DYDC1: variants seen among roughly 807,000 people sequenced by gnomAD.
The protein encoded by DYDC1 is DPY30 domain containing 1, also known as DPY30 domain-containing protein 1.
A neutral mutation model predicts 27.9 loss-of-function variants in DYDC1; 21 were observed. The observed-to-expected ratio is 0.75, with a 90% CI of 0.53 to 1.08. DYDC1 has a LOEUF of 1.08. Among genes scored for constraint, DYDC1 ranks in the 50% least tolerant of loss-of-function variants. DYDC1 has a pLI of 0.00. For missense variants in DYDC1, 202 were observed against 205.9 expected, an observed-to-expected ratio of 0.98 and a Z score of 0.12; for synonymous variants, 67 against 65.8, an observed-to-expected ratio of 1.02 and a Z score of -0.09.
At chr10:80,345,992 CCAT>C (rs1453249255) in intron 3 of DYDC1, among the ~76,000 whole-genome samples, 1 of 152,100 alleles carries the variant, frequency 6.6e-6, no homozygotes, top group East Asian at 1.9e-4. Context: ...CAGGTGCATG[CCAT>C]CATCATCATG....
chr10:80,354,122 A>T (rs1406261134), intron 1 of DYDC1, among the ~76,000 whole-genome samples: 1 of 118,850 alleles, frequency 8.4e-6, no homozygotes, highest in African/African-American at 2.7e-5. Context: ...TCTCATATAT[A>T]AAAAAAAATA....
intron 6 of DYDC1, among the ~76,000 whole-genome samples, chr10:80,336,779 C>T (rs1842147574): frequency 6.6e-6 from 1 of 152,208 alleles, no homozygotes; most frequent in Non-Finnish European, 1.5e-5. Context: ...CATCCTGACC[C>T]TGCCCCGCAC....
intron 3 of DYDC1, chr10:80,344,774 C>T: frequency 3.2e-6 from 1 of 315,806 alleles, no homozygotes; most frequent in South Asian, 2.9e-5. Context: ...GTGCCTTTCG[C>T]CTCCCACCAT....
chr10:80,349,653 G>C (rs1488673723), intron 3 of DYDC1, among the ~76,000 whole-genome samples: 1 of 152,190 alleles, frequency 6.6e-6, no homozygotes, highest in Non-Finnish European at 1.5e-5. Context: ...GACATTGGTA[G>C]AGGAAGTTAA....
intron 6 of DYDC1, 165 bp downstream of exon 6, chr10:80,338,302 G>A: frequency 7.4e-7 from 1 of 1,357,276 alleles, no homozygotes; most frequent in East Asian, 2.9e-5. Context: ...ATGCCAATTA[G>A]GAATATAATC....
At chr10:80,337,208 G>A (rs1325682999) in intron 6 of DYDC1, 12 of 985,328 alleles carry the variant, frequency 1.2e-5, no homozygotes, top group Non-Finnish European at 1.4e-5. Context: ...TCCAGCCCAG[G>A]TCAGGTCTCT....
In DYDC1 at chr10:80,352,485, C is replaced by T. The variant is rs1589520720; in HGVS notation, c.117G>A (p.Lys39=). Residue 39 remains lysine (K), a synonymous_variant, in exon 2 of 7, where the codon AAG becomes AAA. Transcript: ENST00000372202. The stretch of plus-strand genomic sequence containing the variant: ...GTTCCATGGTCACATTTTCCTTATA[C>T]TTGTAAATCCACAATGCTAAATATT... ...PIEYLALWIY[K]YKENVTMEQL... is the part of the protein sequence containing the mutation. The T allele has an allele frequency of 1.2e-6, 2 of 1,610,800 alleles. No individual in the cohort carries two copies. The highest frequency in any genetic ancestry group is 8.5e-7 in the Non-Finnish European group (1 of 1,178,748).
rs1572819 is a variant in DYDC1, at chr10:80,352,732, A to T, written c.-9-122T>A. 3 of 1,226,378 alleles carry T rather than the reference A, an allele frequency of 2.4e-6. No individual in the cohort carries two copies. The African/African-American group carries it at 4.7e-5, about 19-fold the overall frequency. The allele number at this position is 1,226,378 out of a possible 1,614,324, so 76.0% of individuals were successfully genotyped here. The stretch of plus-strand genomic sequence containing the variant: ...CTGCCCTCAGTCATGGACACCTCCC[A>T]TTGGGGGTGTCACAAGCAAGCTGGC... On this transcript the variant is annotated intron_variant, in intron 1 of 6. Transcript: ENST00000372202.
At chr10:80,338,370 C>G (rs775772741) in intron 6 of DYDC1, 97 bp downstream of exon 6, 2 of 1,502,386 alleles carry the variant, frequency 1.3e-6, no homozygotes, top group Admixed American at 2.4e-5. Context: ...GCCAACCAAT[C>G]CTGGCCTAGC....
intron 1 of DYDC1, among the ~76,000 whole-genome samples, chr10:80,355,290 TA>T (rs766354640): frequency 1.3e-5 from 2 of 151,728 alleles, no homozygotes; most frequent in Non-Finnish European, 2.9e-5. Flanking sequence ...GGTCCGTCCA[TA>T]ACCCCCAATT....
At chr10:80,356,653 C>G in intron 1 of DYDC1, 59 bp downstream of exon 1, 1 of 984,548 alleles carries the variant, frequency 1.0e-6, no homozygotes, top group Non-Finnish European at 1.2e-6. Flanking sequence ...GCCCGCCGGA[C>G]CCAGCGAAGC....
intron 1 of DYDC1, among the ~76,000 whole-genome samples, chr10:80,355,815 C>T (rs937457970): frequency 2.0e-5 from 3 of 152,010 alleles, no homozygotes; most frequent in African/African-American, 7.2e-5. Context: ...AACAAACTGG[C>T]ACAAATGAAC....
At chr10:80,342,404 C>T in intron 3 of DYDC1, 43 bp from the exon 4 acceptor site, 1 of 1,590,846 alleles carries the variant, frequency 6.3e-7, no homozygotes, top group Non-Finnish European at 8.6e-7. Context: ...AGATTAATTG[C>T]AAGATAATTA....
At chr10:80,339,191 A>G (rs1842235245) in intron 4 of DYDC1, 38 bp from the exon 5 acceptor site, 1 of 902,828 alleles carries the variant, frequency 1.1e-6, no homozygotes, top group South Asian at 2.2e-5. Flanking sequence ...CTTTGAATAT[A>G]CTCCATTTTG....
rs1319350759 is a variant in DYDC1 at position 80,353,647 on chromosome 10, C to A, written c.-9-1037G>T. Among the ~76,000 whole-genome samples, 3 of 150,576 alleles carry A rather than the reference C, an allele frequency of 2.0e-5. No individual in the cohort carries two copies. The East Asian group carries it at 6.2e-4, about 31-fold the overall frequency. ...CGGGCGGATCACAAGGTCAGGAGAT[C>A]GAGACCATCCTGGCTAACGGATCTC... On this transcript the variant is annotated intron_variant, in intron 1 of 6. Transcript: ENST00000372202.
At chr10:80,340,150 G>A (rs1842270160) in intron 4 of DYDC1, among the ~76,000 whole-genome samples, 2 of 152,224 alleles carry the variant, frequency 1.3e-5, no homozygotes. Context: ...TAACCAGGGA[G>A]CAGCAGAGGG....
intron 3 of DYDC1, among the ~76,000 whole-genome samples, chr10:80,346,233 T>TG (rs1185039500): frequency 6.6e-6 from 1 of 152,194 alleles, no homozygotes. Flanking sequence ...GCAATGGACA[T>TG]GGGAGTGCAA....
chr10:80,336,385 C>A (rs2132732383), intron 6 of DYDC1, 200 bp from the exon 7 acceptor site: 1 of 969,818 alleles, frequency 1.0e-6, no homozygotes, highest in African/African-American at 1.8e-5. Flanking sequence ...TCCATCCTTT[C>A]TTCTACTTCT....
intron 3 of DYDC1, among the ~76,000 whole-genome samples, chr10:80,349,704 T>A (rs1302231914): frequency 2.0e-5 from 3 of 152,178 alleles, no homozygotes; most frequent in Non-Finnish European, 4.4e-5. Context: ...GTGTATTTGT[T>A]AAATAACAGT....
Sources: allele counts gnomAD v4.1 joint callset (sites outside exome capture counted in the v4.1 genomes callset), GRCh38; gene constraint gnomAD v4.1.1; transcripts MANE v1.5; gene names NCBI Gene and HGNC (gene_info 2026-07-23, HGNC 2026-07-21).